Variants in DTWD2 observed in about 807,000 individuals in gnomAD.
DTWD2 encodes the protein DTW motif tRNA-uridine aminocarboxypropyltransferase 2, also known as tRNA-uridine aminocarboxypropyltransferase 2.
In DTWD2, 39 loss-of-function variants were observed where a neutral mutation model predicts 31.8. The observed-to-expected ratio is 1.22, with a 90% CI of 0.95 to 1.60. The LOEUF (loss-of-function observed/expected upper bound fraction) is 1.60, where lower values mean the gene tolerates loss of function less well. Ranked by LOEUF, DTWD2 falls within the 40% of genes most tolerant of loss-of-function variation. The pLI, the probability that DTWD2 is intolerant of heterozygous loss-of-function variation, is 0.00. For synonymous variants in DTWD2, 180 were observed against 142.8 expected (o/e 1.26, Z -1.86); for missense variants, 515 against 381.5 (o/e 1.35, Z -2.92).
chr5:118,848,035 G>A, intron 5 of DTWD2, 55 bp downstream of exon 5: 3 of 1,432,446 alleles, frequency 2.1e-6, no homozygotes, highest in South Asian at 3.4e-5. Context: ...AAATCTTCTA[G>A]GTAAAATCTA....
chr5:118,845,133 C>G (rs757169384), intron 5 of DTWD2, among the ~76,000 whole-genome samples: 1 of 151,086 alleles, frequency 6.6e-6, no homozygotes, highest in Non-Finnish European at 1.5e-5. Flanking sequence ...GGTGACAGAG[C>G]AAGACTCTGT....
intron 4 of DTWD2, among the ~76,000 whole-genome samples, chr5:118,913,683 G>A (rs181721687): frequency 2.0e-5 from 3 of 151,896 alleles, no homozygotes; most frequent in Admixed American, 6.6e-5. Flanking sequence ...GTGAATAACC[G>A]TAAGTCATAA....
At chr5:118,868,398 C>CA (rs1335365312) in intron 4 of DTWD2, among the ~76,000 whole-genome samples, 4 of 151,786 alleles carry the variant, frequency 2.6e-5, no homozygotes, top group Admixed American at 2.0e-4. Context: ...GCAACAACAA[C>CA]AAAAAAATAG....
At chr5:118,923,111 C>A (rs1002249059) in intron 4 of DTWD2, among the ~76,000 whole-genome samples, 1 of 151,876 alleles carries the variant, frequency 6.6e-6, no homozygotes, top group Non-Finnish European at 1.5e-5. Context: ...TTTGGAAACA[C>A]TGAAATGAAA....
intron 4 of DTWD2, among the ~76,000 whole-genome samples, chr5:118,914,465 C>G (rs77293185): frequency 1.3e-5 from 2 of 152,138 alleles, no homozygotes; most frequent in Non-Finnish European, 2.9e-5. Context: ...AACCAAGACA[C>G]ACCCATATCA....
intron 4 of DTWD2, among the ~76,000 whole-genome samples, chr5:118,852,646 C>T (rs1187230682): frequency 6.6e-6 from 1 of 152,074 alleles, no homozygotes; most frequent in Non-Finnish European, 1.5e-5. Context: ...CAGCCACTGT[C>T]GAAAGCGGTG....
intron 4 of DTWD2, among the ~76,000 whole-genome samples, chr5:118,874,685 C>T (rs545377980): frequency 6.6e-6 from 1 of 152,068 alleles, no homozygotes; most frequent in Non-Finnish European, 1.5e-5. Flanking sequence ...AAGGAATGAA[C>T]AAAACCGCCA....
At chr5:118,884,539 G>A (rs935823809) in intron 4 of DTWD2, among the ~76,000 whole-genome samples, 1 of 152,144 alleles carries the variant, frequency 6.6e-6, no homozygotes, top group Non-Finnish European at 1.5e-5. Context: ...ACAGGGTACT[G>A]TACTTTACCC....
At chr5:118,855,406 G>A (rs1346099533) in intron 4 of DTWD2, among the ~76,000 whole-genome samples, 1 of 150,146 alleles carries the variant, frequency 6.7e-6, no homozygotes, top group Middle Eastern at 3.4e-3. Context: ...AAGTGATATG[G>A]GAATTTTTAA....
At chr5:118,901,252 TA>T (rs1414856204) in intron 4 of DTWD2, among the ~76,000 whole-genome samples, 5 of 151,988 alleles carry the variant, frequency 3.3e-5, no homozygotes, top group Non-Finnish European at 5.9e-5. Context: ...TTCTAAATAG[TA>T]AAAAAGGGGA....
intron 1 of DTWD2, among the ~76,000 whole-genome samples, chr5:118,969,196 G>C (rs1754924456): frequency 6.6e-6 from 1 of 152,024 alleles, no homozygotes; most frequent in Non-Finnish European, 1.5e-5. Context: ...GAGGGGAGGG[G>C]CGGGGGGGAA....
chr5:118,895,596 G>A (rs918982898), intron 4 of DTWD2, among the ~76,000 whole-genome samples: 1 of 152,288 alleles, frequency 6.6e-6, no homozygotes, highest in African/African-American at 2.4e-5. Context: ...GCATCACATT[G>A]TCTGATTCCA....
At chr5:118,851,632 T>C (rs1752007885) in intron 4 of DTWD2, among the ~76,000 whole-genome samples, 1 of 134,358 alleles carries the variant, frequency 7.4e-6, no homozygotes, top group Admixed American at 9.1e-5. Context: ...AAAACAGCGT[T>C]CGACAATGAG....
At chr5:118,879,849 G>A (rs564298839) in intron 4 of DTWD2, among the ~76,000 whole-genome samples, 106 of 152,148 alleles carry the variant, frequency 7.0e-4, no homozygotes, top group African/African-American at 2.5e-3. Flanking sequence ...AATAACTAAT[G>A]AATACTAGGA....
At chr5:118,951,469 C>T (rs1754463791) in intron 1 of DTWD2, among the ~76,000 whole-genome samples, 1 of 152,130 alleles carries the variant, frequency 6.6e-6, no homozygotes, top group Non-Finnish European at 1.5e-5. Context: ...AAAAGAATGC[C>T]TAGACGTCAG....
chr5:118,846,338 C>T (rs1318025275), intron 5 of DTWD2, among the ~76,000 whole-genome samples: 3 of 152,038 alleles, frequency 2.0e-5, no homozygotes, highest in East Asian at 3.9e-4. Flanking sequence ...ACCACTATTA[C>T]CATAACCACC....
intron 5 of DTWD2, among the ~76,000 whole-genome samples, chr5:118,843,162 G>A (rs1043548644): frequency 1.2e-4 from 18 of 151,720 alleles, no homozygotes; most frequent in Non-Finnish European, 2.2e-4. Flanking sequence ...TCACCATATT[G>A]GCCAGGCTGG....
chr5:118,851,803 A>G (rs1439678072), intron 4 of DTWD2, among the ~76,000 whole-genome samples: 1 of 151,356 alleles, frequency 6.6e-6, no homozygotes, highest in African/African-American at 2.4e-5. Flanking sequence ...ACTAACCTGC[A>G]CATTGTGCAC....
rs1755403219 is a variant in DTWD2 at position 118,985,490 on chromosome 5, T to TA, written c.218+2803_218+2804insT. ...AAAGACCACATGCTTATGTGCATTT[T>TA]TATATATATATATATATATATATAT... is the stretch of plus-strand genomic sequence containing the variant. On this transcript the variant is annotated intron_variant, in intron 1 of 5. Transcript: ENST00000510708. 1.4e-3 allele frequency among the ~76,000 whole-genome samples: 135 copies of TA among 95,422 alleles called. 2 individuals carry two copies. Among genetic ancestry groups the TA allele is most frequent in the African/African-American group, 4.5e-3 (131 of 29,246 alleles). 62.6% of individuals were successfully genotyped at this position (95,422 alleles called of 152,430 possible).
Sources: allele counts gnomAD v4.1 joint callset (sites outside exome capture counted in the v4.1 genomes callset), GRCh38; gene constraint gnomAD v4.1.1; transcripts MANE v1.5; gene names NCBI Gene and HGNC (gene_info 2026-07-23, HGNC 2026-07-21).